Variants in TMEM135 observed in about 807,000 individuals in gnomAD.
TMEM135 encodes the protein transmembrane protein 135, also known as peroxisomal membrane protein 52.
Under a neutral mutation model 60.3 loss-of-function variants are expected in TMEM135, and 30 were observed. The observed-to-expected ratio is 0.50, with a 90% CI of 0.37 to 0.68. TMEM135 has a LOEUF of 0.68. Ranked by LOEUF, TMEM135 falls within the 30% of genes least tolerant of loss-of-function variation. The pLI is 0.00. For synonymous variants in TMEM135, 190 were observed against 186.7 expected, an observed-to-expected ratio of 1.02 and a Z score of -0.14; for missense variants, 468 against 548.8, an observed-to-expected ratio of 0.85 and a Z score of 1.47.
At chr11:87,071,377 A>T (rs1042185773) in intron 2 of TMEM135, 146 bp from the exon 3 acceptor site, 2 of 665,508 alleles carry the variant, frequency 3.0e-6, no homozygotes, top group African/African-American at 1.8e-5. Flanking sequence ...GGGGAGACAG[A>T]TAATGAGTTT....
At chr11:87,126,893 T>C (rs1937749108) in intron 4 of TMEM135, among the ~76,000 whole-genome samples, 1 of 152,040 alleles carries the variant, frequency 6.6e-6, no homozygotes, top group Admixed American at 6.6e-5. Context: ...AAAGCAGGGG[T>C]AAACTAGTAC....
rs542025811 is a variant in TMEM135, at chr11:87,259,475, G to T, written c.509+22791G>T. Among the ~76,000 whole-genome samples, 4 of 151,942 alleles carry T rather than the reference G, an allele frequency of 2.6e-5. No homozygotes were observed. The South Asian group carries it at 6.3e-4, about 24-fold the overall frequency. On this transcript the variant is annotated intron_variant, in intron 6 of 14. Transcript: ENST00000305494. ...TGTTACATTTTTTTCCTCTTCCATG[G>T]GTCTATTTCAGACATTTTTAAGAAT...
intron 5 of TMEM135, among the ~76,000 whole-genome samples, chr11:87,165,621 G>A (rs1015485906): frequency 1.3e-5 from 2 of 150,928 alleles, no homozygotes; most frequent in African/African-American, 4.9e-5. Flanking sequence ...AATGGTACCA[G>A]TTCCTCCTTG....
intron 4 of TMEM135, among the ~76,000 whole-genome samples, chr11:87,133,101 G>A (rs1350325647): frequency 6.6e-6 from 1 of 152,188 alleles, no homozygotes; most frequent in Non-Finnish European, 1.5e-5. Flanking sequence ...ATCCTGAGGT[G>A]AGAGGGGGCA....
At chr11:87,285,342 T>G (rs143841073) in intron 6 of TMEM135, among the ~76,000 whole-genome samples, 1,615 of 152,348 alleles carry the variant, frequency 0.011, 18 homozygotes, top group African/African-American at 0.037. Flanking sequence ...TCTCACTGAC[T>G]TCAAGAATGA....
At position 87,324,172 on chromosome 11, in the gene TMEM135, A is replaced by C. The variant is rs1286246795; in HGVS notation, c.*2839A>C. 1 of 453,852 alleles carries C rather than the reference A, an allele frequency of 2.2e-6. No homozygotes were observed. Among genetic ancestry groups the C allele is most frequent in the Non-Finnish European group, 4.4e-6 (1 of 226,768 alleles). 28.1% of individuals were successfully genotyped at this position (453,852 alleles called of 1,614,324 possible). A position where few individuals can be genotyped will look rare whatever the true frequency, so the allele number is the denominator to read the frequency against. ...TCATTTAGTTGTTAATGCTGACGTAATTGTTTCCTGCTTATATTTTATCAT... is the reference window on the plus strand; with the variant it reads ...TCATTTAGTTGTTAATGCTGACGTACTTGTTTCCTGCTTATATTTTATCAT... On this transcript the variant is annotated 3_prime_UTR_variant, in exon 15 of 15. Transcript: ENST00000305494.
intron 14 of TMEM135, among the ~76,000 whole-genome samples, chr11:87,319,997 A>C (rs1942793581): frequency 6.6e-6 from 1 of 152,136 alleles, no homozygotes; most frequent in Non-Finnish European, 1.5e-5. Context: ...TAATGCATAC[A>C]TTGTATGGTT....
intron 5 of TMEM135, among the ~76,000 whole-genome samples, chr11:87,214,488 G>A (rs887026115): frequency 6.6e-6 from 1 of 152,048 alleles, no homozygotes; most frequent in Non-Finnish European, 1.5e-5. Context: ...TTTTTAGGCT[G>A]TGGTTTAGAT....
intron 4 of TMEM135, among the ~76,000 whole-genome samples, chr11:87,134,439 A>G (rs1327232030): frequency 6.6e-6 from 1 of 152,194 alleles, no homozygotes; most frequent in Non-Finnish European, 1.5e-5. Context: ...TAAAGCTCAC[A>G]GTGGAGGTTA....
At chr11:87,089,246 A>G (rs1457678393) in intron 3 of TMEM135, among the ~76,000 whole-genome samples, 1 of 152,198 alleles carries the variant, frequency 6.6e-6, no homozygotes, top group African/African-American at 2.4e-5. Context: ...CTTGAAATGC[A>G]TTTGTCAGCG....
At chr11:87,073,329 G>A (rs1180247427) in intron 3 of TMEM135, among the ~76,000 whole-genome samples, 3 of 152,054 alleles carry the variant, frequency 2.0e-5, no homozygotes, top group Non-Finnish European at 2.9e-5. Flanking sequence ...CATCGCACCC[G>A]GCCCATGAAG....
intron 6 of TMEM135, among the ~76,000 whole-genome samples, chr11:87,285,795 T>A (rs7131357): frequency 0.37 from 55,710 of 152,068 alleles, 10,885 homozygotes; most frequent in Non-Finnish European, 0.43. Flanking sequence ...GGCCCCACCC[T>A]CATCCTGCTG....
chr11:87,101,675 T>C (rs2135184273), intron 4 of TMEM135, among the ~76,000 whole-genome samples: 1 of 152,226 alleles, frequency 6.6e-6, no homozygotes, highest in African/African-American at 2.4e-5. Flanking sequence ...CAAACATAGG[T>C]TTGAAAATGG....
chr11:87,280,833 G>A (rs758398948), intron 6 of TMEM135, among the ~76,000 whole-genome samples: 6 of 152,098 alleles, frequency 3.9e-5, no homozygotes, highest in African/African-American at 7.2e-5. Context: ...TGATGTAAAG[G>A]TGAACAACAC....
intron 5 of TMEM135, among the ~76,000 whole-genome samples, chr11:87,167,174 T>TG (rs1939076920): frequency 6.6e-6 from 1 of 152,162 alleles, no homozygotes; most frequent in Non-Finnish European, 1.5e-5. Context: ...GAGACTTTGC[T>TG]AAGTTGCCTG....
intron 6 of TMEM135, among the ~76,000 whole-genome samples, chr11:87,255,304 C>T (rs1941503617): frequency 6.6e-6 from 1 of 152,146 alleles, no homozygotes; most frequent in Non-Finnish European, 1.5e-5. Flanking sequence ...CTCTCTATTG[C>T]CAGCCTTACT....
intron 5 of TMEM135, among the ~76,000 whole-genome samples, chr11:87,204,463 A>G (rs1940191467): frequency 6.6e-6 from 1 of 152,152 alleles, no homozygotes; most frequent in South Asian, 2.1e-4. Context: ...TGCACAGTTA[A>G]AAATTTGAGA....
chr11:87,042,275 T>C lies in TMEM135; in HGVS notation c.141+4089T>C, dbSNP rs367609779. Among the ~76,000 whole-genome samples the C allele has an allele frequency of 2.0e-5, 3 of 152,356 alleles. No individual in the cohort carries two copies. The South Asian group carries it at 6.2e-4, about 32-fold the overall frequency. ...CTTCTTGGCCTCTCTGTCTAAATTC[T>C]TCTTGGCCTCTCTGAGCATTCCTTC... is the stretch of plus-strand genomic sequence containing the variant. On this transcript the variant is annotated intron_variant, in intron 1 of 14. Transcript: ENST00000305494.
intron 7 of TMEM135, 118 bp from the exon 8 acceptor site, chr11:87,302,178 A>T: frequency 9.4e-7 from 1 of 1,058,822 alleles, no homozygotes; most frequent in Non-Finnish European, 1.4e-6. Flanking sequence ...TTGTGAAAAT[A>T]CTATCTCAAA....
Sources: gnomAD v4.1 joint callset for allele counts (sites outside exome capture counted in the v4.1 genomes callset) on GRCh38, gnomAD v4.1.1 for gene constraint, MANE v1.5 for transcripts, NCBI Gene and HGNC (gene_info 2026-07-23, HGNC 2026-07-21) for gene names.